The following RPRD2 variants were observed in gnomAD, a reference collection of about 807,000 sequenced individuals.
The protein encoded by RPRD2 is regulation of nuclear pre-mRNA domain containing 2.
Under a neutral mutation model 104.4 loss-of-function variants are expected in RPRD2, and 12 were observed. The observed-to-expected ratio is 0.11, with a 90% CI of 0.07 to 0.19. The LOEUF is 0.19. Ranked by LOEUF, RPRD2 falls within the 10% of genes least tolerant of loss-of-function variation. RPRD2 has a pLI of 1.00. For missense variants in RPRD2, 1,543 were observed against 1,790.1 expected (o/e 0.86, Z 2.49); for synonymous variants, 714 against 684.9 (o/e 1.04, Z -0.66).
intron 10 of RPRD2, among the ~76,000 whole-genome samples, chr1:150,466,177 T>TA (rs1553899928): frequency 6.6e-6 from 1 of 151,640 alleles, no homozygotes; most frequent in Non-Finnish European, 1.5e-5. Flanking sequence ...AGGAGATCGA[T>TA]ACCATCCTGG....
chr1:150,390,608 A>T (rs1553882988), intron 1 of RPRD2, among the ~76,000 whole-genome samples: 1 of 152,194 alleles, frequency 6.6e-6, no homozygotes, highest in African/African-American at 2.4e-5. Context: ...GCAAATTTGA[A>T]AAAGAACCAA....
chr1:150,418,674 A>G (rs1664543883), intron 2 of RPRD2, among the ~76,000 whole-genome samples: 2 of 152,136 alleles, frequency 1.3e-5, no homozygotes, highest in Admixed American at 6.6e-5. Context: ...ACATTACCAT[A>G]TCAATAATTT....
rs1183069000 is a variant in RPRD2, at chr1:150,457,580, T to C, written c.1153+10T>C. The C allele has an allele frequency of 7.4e-6, 12 of 1,610,964 alleles. No homozygotes were observed. The highest frequency in any genetic ancestry group is 1.0e-5 in the Non-Finnish European group (12 of 1,177,326). Reference sequence around the variant, plus strand: ...GGGTCAAAAATCATTGGTATGTCTTTATGTGATTAATAGACAACTTATTCC... The same window carrying C: ...GGGTCAAAAATCATTGGTATGTCTTCATGTGATTAATAGACAACTTATTCC... On this transcript the variant is annotated intron_variant, in intron 8 of 10. Coordinates refer to ENST00000369068, the MANE Select transcript of RPRD2 (RefSeq NM_015203.5).
chr1:150,476,375 C>T lies in RPRD2; in HGVS notation c.*3041C>T, dbSNP rs1352323015. The T allele has an allele frequency of 6.6e-6, 1 of 152,172 alleles. No individual in the cohort carries two copies. Among genetic ancestry groups the T allele is most frequent in the African/African-American group, 2.4e-5 (1 of 41,442 alleles). The allele number at this position is 152,172 out of a possible 1,614,324, so 9.4% of individuals were successfully genotyped here. Reference sequence around the variant, plus strand: ...GTTTTGAAGCCGCTGTAAATTACTGCTTTCCCCAGTTCCCCCACTATTTTT... The same window carrying T: ...GTTTTGAAGCCGCTGTAAATTACTGTTTTCCCCAGTTCCCCCACTATTTTT... On this transcript the variant is annotated 3_prime_UTR_variant, in exon 11 of 11. Transcript: ENST00000369068.
chr1:150,407,070 A>G (rs59844700), intron 1 of RPRD2, among the ~76,000 whole-genome samples: 17,710 of 152,196 alleles, frequency 0.12, 1,453 homozygotes, highest in East Asian at 0.45. Flanking sequence ...ACATCTCTTG[A>G]TGTCTCTAAT....
chr1:150,403,234 A>T (rs1663195629), intron 1 of RPRD2, among the ~76,000 whole-genome samples: 1 of 152,162 alleles, frequency 6.6e-6, no homozygotes, highest in African/African-American at 2.4e-5. Context: ...TTGCATACAT[A>T]TATATTATCA....
intron 2 of RPRD2, among the ~76,000 whole-genome samples, chr1:150,431,473 ATT>A (rs1160491386): frequency 0.3 from 23,849 of 78,480 alleles, 2,932 homozygotes; most frequent in South Asian, 0.44. Context: ...AAAAGGAAGG[ATT>A]TTTTTTTTTT....
At chr1:150,367,112 A>G (rs915090937) in intron 1 of RPRD2, among the ~76,000 whole-genome samples, 1 of 152,182 alleles carries the variant, frequency 6.6e-6, no homozygotes, top group African/African-American at 2.4e-5. Flanking sequence ...TAGTTTATAT[A>G]GTTAAGTGCT....
intron 1 of RPRD2, among the ~76,000 whole-genome samples, chr1:150,404,274 TCTCA>T (rs1663292380): frequency 6.6e-6 from 1 of 152,116 alleles, no homozygotes; most frequent in Non-Finnish European, 1.5e-5. Context: ...TGAGATGGGG[TCTCA>T]CTCTGTTATT....
chr1:150,406,581 T>C (rs1430934483), intron 1 of RPRD2, among the ~76,000 whole-genome samples: 1 of 152,108 alleles, frequency 6.6e-6, no homozygotes, highest in African/African-American at 2.4e-5. Flanking sequence ...TAATTTTTAC[T>C]ATAGATGGGG....
chr1:150,441,975 CAACTAATATAA>C lies in RPRD2; in HGVS notation c.514+20_514+30del. On this transcript the variant is annotated intron_variant, in intron 4 of 10. Transcript: ENST00000369068. Reference sequence around the variant, plus strand: ...AATCACAAAGTAAGGAACAAAATCTCAACTAATATAAAATTACCTCCTCTTTTTGGAGCAGA... The same window carrying C: ...AATCACAAAGTAAGGAACAAAATCTCAATTACCTCCTCTTTTTGGAGCAGA... 1 of 1,575,628 alleles carries C rather than the reference CAACTAATATAA, an allele frequency of 6.3e-7. No homozygotes were observed. The highest frequency in any genetic ancestry group is 8.7e-7 in the Non-Finnish European group (1 of 1,149,872).
chr1:150,387,851 A>G (rs1364572202), intron 1 of RPRD2, among the ~76,000 whole-genome samples: 3 of 150,086 alleles, frequency 2.0e-5, no homozygotes, highest in East Asian at 1.9e-4. Context: ...CGGCCTCCCA[A>G]AGTGCTAGGA....
intron 2 of RPRD2, among the ~76,000 whole-genome samples, chr1:150,419,706 C>T (rs1026806690): frequency 5.9e-5 from 9 of 152,184 alleles, no homozygotes; most frequent in Admixed American, 2.0e-4. Context: ...ACCGCAACCT[C>T]CGCCTCCTGG....
chr1:150,378,156 A>G (rs1159339575), intron 1 of RPRD2, among the ~76,000 whole-genome samples: 1 of 151,694 alleles, frequency 6.6e-6, no homozygotes, highest in Non-Finnish European at 1.5e-5. Context: ...CAAACATAAC[A>G]CTAATAGTTT....
chr1:150,422,340 A>AAATAATAATAATAATAATAATAAT lies in RPRD2; in HGVS notation c.335+4621_335+4644dup, dbSNP rs145145770. On this transcript the variant is annotated intron_variant, in intron 2 of 10. Transcript: ENST00000369068. ...GGTGACAGAGCAAGACTCTGTCTCA[A>AAATAATAATAATAATAATAATAAT]AATAATAATAATAATAATAATAATA... Among the ~76,000 whole-genome samples the AAATAATAATAATAATAATAATAAT allele has an allele frequency of 3.6e-3, 466 of 128,300 alleles. 3 individuals carry two copies. Among genetic ancestry groups the AAATAATAATAATAATAATAATAAT allele is most frequent in the Middle Eastern group, 8.2e-3 (2 of 244 alleles). 84.2% of individuals were successfully genotyped at this position (128,300 alleles called of 152,430 possible). A position where few individuals can be genotyped will look rare whatever the true frequency, so the allele number is the denominator to read the frequency against.
chr1:150,383,561 C>T (rs1157790638), intron 1 of RPRD2, among the ~76,000 whole-genome samples: 1 of 152,070 alleles, frequency 6.6e-6, no homozygotes, highest in Non-Finnish European at 1.5e-5. Flanking sequence ...AGGTGATCCA[C>T]CTGCCTCGGC....
At chr1:150,381,268 A>C (rs587622623) in intron 1 of RPRD2, among the ~76,000 whole-genome samples, 37 of 151,744 alleles carry the variant, frequency 2.4e-4, no homozygotes, top group African/African-American at 8.7e-4. Context: ...TACAAAAAAA[A>C]AAAAATAGGT....
intron 10 of RPRD2, 133 bp downstream of exon 10, chr1:150,464,860 A>T (rs1035552464): frequency 2.5e-6 from 1 of 400,680 alleles, no homozygotes; most frequent in South Asian, 1.1e-4. Flanking sequence ...CTTTTTATTT[A>T]TTTATTTATT....
chr1:150,416,803 C>T (rs1397772988), intron 1 of RPRD2, among the ~76,000 whole-genome samples: 1 of 136,212 alleles, frequency 7.3e-6, no homozygotes, highest in East Asian at 2.4e-4. Context: ...GCCCAGGAGG[C>T]GGAGGTTGCA....
Sources: allele counts gnomAD v4.1 joint callset (sites outside exome capture counted in the v4.1 genomes callset), GRCh38; gene constraint gnomAD v4.1.1; transcripts MANE v1.5; gene names NCBI Gene and HGNC (gene_info 2026-07-23, HGNC 2026-07-21).